Variants in EPHA6 observed in about 807,000 individuals in gnomAD.
The protein encoded by EPHA6 is EPH receptor A6, also known as ephrin type-A receptor 6.
In EPHA6, 50 loss-of-function variants were observed where a neutral mutation model predicts 112.0. That is an observed-to-expected ratio of 0.45 (90% CI 0.36 to 0.56). The LOEUF is 0.56. EPHA6 is among the 20% of genes least tolerant of loss of function. EPHA6 has a pLI of 0.00. For missense variants in EPHA6, 1,280 were observed against 1,417.4 expected (o/e 0.90, Z 1.56); for synonymous variants, 529 against 490.7 (o/e 1.08, Z -1.03).
intron 5 of EPHA6, among the ~76,000 whole-genome samples, chr3:97,281,224 TGTGTGCGC>T (rs1404314309): frequency 1.4e-5 from 2 of 146,032 alleles, no homozygotes; most frequent in African/African-American, 5.4e-5. Flanking sequence ...TGTGTGTGTG[TGTGTGCGC>T]GCGTGTGTGC....
chr3:97,042,708 C>T (rs2045360254), intron 3 of EPHA6, among the ~76,000 whole-genome samples: 1 of 152,140 alleles, frequency 6.6e-6, no homozygotes, highest in Admixed American at 6.6e-5. Flanking sequence ...GGTTACTCAG[C>T]AGGAGGGGCT....
intron 1 of EPHA6, among the ~76,000 whole-genome samples, chr3:96,849,361 T>C (rs953675994): frequency 6.6e-6 from 1 of 152,134 alleles, no homozygotes; most frequent in Non-Finnish European, 1.5e-5. Flanking sequence ...ATCAATTTAA[T>C]TTAAAATCAA....
chr3:96,960,234 G>A (rs1298653055), intron 2 of EPHA6, among the ~76,000 whole-genome samples: 1 of 152,140 alleles, frequency 6.6e-6, no homozygotes, highest in Non-Finnish European at 1.5e-5. Flanking sequence ...AGAGTGGAAA[G>A]TGGTCTTGGA....
chr3:96,903,702 T>C (rs1473580072), intron 2 of EPHA6, among the ~76,000 whole-genome samples: 2 of 152,148 alleles, frequency 1.3e-5, no homozygotes, highest in African/African-American at 4.8e-5. Context: ...TTTTGCAACC[T>C]ACTCATCTGA....
chr3:97,651,705 A>G (rs1285610478), intron 14 of EPHA6, among the ~76,000 whole-genome samples: 2 of 152,132 alleles, frequency 1.3e-5, no homozygotes, highest in African/African-American at 4.8e-5. Flanking sequence ...ATTTTAGAAC[A>G]AACCCAGACT....
chr3:96,967,761 T>A (rs2042177027), intron 2 of EPHA6, among the ~76,000 whole-genome samples: 1 of 151,832 alleles, frequency 6.6e-6, no homozygotes, highest in Admixed American at 6.6e-5. Context: ...GTGATCAAGT[T>A]TGGACACAGG....
intron 2 of EPHA6, among the ~76,000 whole-genome samples, chr3:96,904,302 T>C (rs563173546): frequency 1.4e-4 from 21 of 151,776 alleles, no homozygotes; most frequent in African/African-American, 5.1e-4. Context: ...TTCATGTCCT[T>C]TATAGGGACA....
chr3:96,946,745 G>A (rs151095615), intron 2 of EPHA6, among the ~76,000 whole-genome samples: 27 of 152,094 alleles, frequency 1.8e-4, no homozygotes, highest in African/African-American at 5.8e-4. Flanking sequence ...TTGAGGAATC[G>A]CCACACTGAC....
chr3:97,683,667 C>A (rs2032033842), intron 14 of EPHA6, among the ~76,000 whole-genome samples: 1 of 152,006 alleles, frequency 6.6e-6, no homozygotes, highest in African/African-American at 2.4e-5. Flanking sequence ...AGTCTTGGGG[C>A]AGGGTGGCTT....
At chr3:97,327,865 A>G (rs953133019) in intron 5 of EPHA6, among the ~76,000 whole-genome samples, 15 of 147,288 alleles carry the variant, frequency 1.0e-4, no homozygotes, top group South Asian at 2.1e-4. Context: ...ATATGTGTGT[A>G]TATATATATG....
intron 1 of EPHA6, among the ~76,000 whole-genome samples, chr3:96,836,876 T>C (rs188969064): frequency 6.6e-6 from 1 of 152,186 alleles, no homozygotes; most frequent in African/African-American, 2.4e-5. Context: ...TCTACCATTC[T>C]GCATAGATAA....
intron 3 of EPHA6, among the ~76,000 whole-genome samples, chr3:97,117,938 T>A (rs1171230551): frequency 6.6e-6 from 1 of 151,828 alleles, no homozygotes; most frequent in African/African-American, 2.4e-5. Context: ...TTTGCTATAT[T>A]CAGTTCCTTT....
At chr3:97,319,681 C>T (rs111539190) in intron 5 of EPHA6, among the ~76,000 whole-genome samples, 8 of 132,746 alleles carry the variant, frequency 6.0e-5, no homozygotes, top group Admixed American at 1.5e-4. Flanking sequence ...AAAAAAAAAA[C>T]AAAAAACAAA....
At chr3:97,083,510 A>G (rs2046790940) in intron 3 of EPHA6, among the ~76,000 whole-genome samples, 1 of 151,992 alleles carries the variant, frequency 6.6e-6, no homozygotes, top group Non-Finnish European at 1.5e-5. Context: ...TGGCAGACCA[A>G]GACTGATCCT....
At chr3:97,441,845 C>T (rs946214342) in intron 6 of EPHA6, among the ~76,000 whole-genome samples, 2 of 151,910 alleles carry the variant, frequency 1.3e-5, no homozygotes, top group Non-Finnish European at 2.9e-5. Context: ...TTAATTCTCT[C>T]GGAGTTTCTA....
At chr3:97,165,242 A>T (rs763461599) in intron 3 of EPHA6, among the ~76,000 whole-genome samples, 7 of 152,112 alleles carry the variant, frequency 4.6e-5, no homozygotes, top group Non-Finnish European at 8.8e-5. Flanking sequence ...ATACTCCAAG[A>T]TTACCTCAAA....
intron 6 of EPHA6, among the ~76,000 whole-genome samples, chr3:97,424,448 C>A (rs556165826): frequency 6.6e-6 from 1 of 152,192 alleles, no homozygotes; most frequent in Admixed American, 6.5e-5. Flanking sequence ...CGATAATGAT[C>A]ATAGTCCAAA....
At chr3:97,027,886 A>AT (rs1228366346) in intron 3 of EPHA6, among the ~76,000 whole-genome samples, 5 of 152,180 alleles carry the variant, frequency 3.3e-5, no homozygotes, top group Non-Finnish European at 5.9e-5. Flanking sequence ...CAAGAATGAT[A>AT]TGCAATTGGG....
chr3:97,209,074 T>G (rs544988876), intron 3 of EPHA6, among the ~76,000 whole-genome samples: 1 of 152,302 alleles, frequency 6.6e-6, no homozygotes, highest in South Asian at 2.1e-4. Context: ...CAAGCAATGA[T>G]ACATTCATAT....
Sources: gnomAD v4.1 joint callset for allele counts (sites outside exome capture counted in the v4.1 genomes callset) on GRCh38, gnomAD v4.1.1 for gene constraint, MANE v1.5 for transcripts, NCBI Gene and HGNC (gene_info 2026-07-23, HGNC 2026-07-21) for gene names.